The following FAM83B variants were observed in gnomAD, a reference collection of about 807,000 sequenced individuals.
FAM83B encodes the protein scaffolding CK1 anchoring protein B.
Under a neutral mutation model 38.8 loss-of-function variants are expected in FAM83B, and 26 were observed. That is an observed-to-expected ratio of 0.67 (90% CI 0.49 to 0.93). The LOEUF is 0.93. Ranked by LOEUF, FAM83B falls within the 40% of genes least tolerant of loss-of-function variation. FAM83B has a pLI of 0.00. For missense variants in FAM83B, 1,237 were observed against 1,197.3 expected (o/e 1.03, Z -0.49); for synonymous variants, 419 against 423.1 (o/e 0.99, Z 0.12).
intron 2 of FAM83B, 93 bp from the exon 3 acceptor site, chr6:54,926,278 A>T (rs1773283591): frequency 8.3e-6 from 6 of 719,080 alleles, no homozygotes; most frequent in Non-Finnish European, 8.7e-6. Flanking sequence ...TTTAATTTTT[A>T]AAATTTTATC....
chr6:54,876,948 A>G (rs977545865), intron 2 of FAM83B, among the ~76,000 whole-genome samples: 9 of 152,198 alleles, frequency 5.9e-5, no homozygotes, highest in African/African-American at 2.2e-4. Flanking sequence ...ACTTATTGAA[A>G]TGTGTAATAT....
intron 2 of FAM83B, among the ~76,000 whole-genome samples, chr6:54,918,191 C>A (rs886400356): frequency 2.0e-5 from 3 of 152,012 alleles, no homozygotes; most frequent in African/African-American, 7.2e-5. Flanking sequence ...ATTATGAATG[C>A]TTCATAGTTT....
intron 2 of FAM83B, among the ~76,000 whole-genome samples, chr6:54,879,979 G>C (rs1349508523): frequency 6.6e-6 from 1 of 152,146 alleles, no homozygotes; most frequent in Non-Finnish European, 1.5e-5. Context: ...CTTAAGGAAA[G>C]TCCTTTTTTG....
chr6:54,921,583 T>G (rs555414848), intron 2 of FAM83B, among the ~76,000 whole-genome samples: 6 of 151,984 alleles, frequency 3.9e-5, no homozygotes, highest in Non-Finnish European at 8.8e-5. Flanking sequence ...ATGCAAGAAT[T>G]GTGAATTCAT....
In FAM83B at chr6:54,927,527, TA is replaced by T; in HGVS notation, c.633del (p.Gly212AlafsTer22). 1 of 1,606,100 alleles carries T rather than the reference TA, an allele frequency of 6.2e-7. No individual in the cohort carries two copies. Among genetic ancestry groups the T allele is most frequent in the Non-Finnish European group, 8.5e-7 (1 of 1,175,298 alleles). The part of the protein sequence containing the change: ...QRLRNIRVRT[V>X]KGQDYLSKTG... ...TTCTAGAATATTCGAGTGCGAACAG[TA>T]AAAGGCCAAGATTATCTTTCAAAAA... is the stretch of plus-strand genomic sequence containing the variant. On this transcript the variant is annotated frameshift_variant, in exon 4 of 5. Transcript: ENST00000306858. LOFTEE classifies it high-confidence loss of function.
At chr6:54,851,630 G>A (rs1771291644) in intron 1 of FAM83B, among the ~76,000 whole-genome samples, 1 of 145,900 alleles carries the variant, frequency 6.9e-6, no homozygotes, top group Admixed American at 6.9e-5. Context: ...GCGCTACCAT[G>A]CCCGGCTAAT....
intron 1 of FAM83B, among the ~76,000 whole-genome samples, chr6:54,864,470 T>C (rs1168126855): frequency 6.6e-6 from 1 of 152,196 alleles, no homozygotes; most frequent in Non-Finnish European, 1.5e-5. Context: ...CATGTATTTA[T>C]ACTTTCTGTG....
intron 1 of FAM83B, among the ~76,000 whole-genome samples, chr6:54,863,663 C>G (rs1353278531): frequency 6.6e-6 from 1 of 150,760 alleles, no homozygotes; most frequent in African/African-American, 2.4e-5. Flanking sequence ...ATAATGGGCT[C>G]CAAACCCTGC....
intron 2 of FAM83B, among the ~76,000 whole-genome samples, chr6:54,896,448 A>G (rs1245123450): frequency 6.6e-6 from 1 of 152,200 alleles, no homozygotes; most frequent in Admixed American, 6.5e-5. Flanking sequence ...TGTTTTATAC[A>G]TAATTCAAAG....
intron 4 of FAM83B, among the ~76,000 whole-genome samples, chr6:54,936,219 A>G (rs1387029611): frequency 3.3e-5 from 5 of 152,090 alleles, no homozygotes; most frequent in Non-Finnish European, 7.4e-5. Flanking sequence ...CTTTATTACA[A>G]TATTATTTTC....
chr6:54,859,632 A>G (rs1173107211), intron 1 of FAM83B, among the ~76,000 whole-genome samples: 1 of 152,216 alleles, frequency 6.6e-6, no homozygotes, highest in Non-Finnish European at 1.5e-5. Context: ...AGCTCCTTTC[A>G]GTGACTGTTG....
chr6:54,892,657 T>C (rs536967571), intron 2 of FAM83B, among the ~76,000 whole-genome samples: 2 of 150,878 alleles, frequency 1.3e-5, no homozygotes, highest in African/African-American at 4.8e-5. Context: ...CCAAAAATAC[T>C]CTTCTCCATC....
chr6:54,884,013 T>C (rs1411120593), intron 2 of FAM83B, among the ~76,000 whole-genome samples: 1 of 151,804 alleles, frequency 6.6e-6, no homozygotes, highest in Admixed American at 6.6e-5. Context: ...CTACTAAAAA[T>C]GCAAAGAAGA....
chr6:54,906,521 A>G (rs1015744313), intron 2 of FAM83B, among the ~76,000 whole-genome samples: 3 of 152,022 alleles, frequency 2.0e-5, no homozygotes, highest in Non-Finnish European at 2.9e-5. Context: ...AGTAGCTGCT[A>G]TCACAGGCGC....
At chr6:54,926,585 A>G (rs1279703183) in intron 3 of FAM83B, 50 bp downstream of exon 3, 2 of 1,411,354 alleles carry the variant, frequency 1.4e-6, no homozygotes, top group African/African-American at 1.4e-5. Flanking sequence ...GTCATTTTCA[A>G]CTCAGTCAAA....
chr6:54,922,833 A>G (rs539995137), intron 2 of FAM83B, among the ~76,000 whole-genome samples: 3 of 152,194 alleles, frequency 2.0e-5, no homozygotes, highest in South Asian at 4.1e-4. Flanking sequence ...CCATTACATT[A>G]TGCTGTATAT....
chr6:54,865,979 A>C (rs939432384), intron 1 of FAM83B, among the ~76,000 whole-genome samples: 1 of 149,276 alleles, frequency 6.7e-6, no homozygotes, highest in Non-Finnish European at 1.5e-5. Flanking sequence ...TAATAATAAT[A>C]ATAATAATAA....
intron 2 of FAM83B, among the ~76,000 whole-genome samples, chr6:54,908,459 C>A (rs1242041218): frequency 6.6e-6 from 1 of 151,996 alleles, no homozygotes; most frequent in Non-Finnish European, 1.5e-5. Flanking sequence ...ATGCATTTAG[C>A]ATAGATGAAC....
intron 4 of FAM83B, among the ~76,000 whole-genome samples, chr6:54,939,024 A>C (rs1773592708): frequency 6.6e-6 from 1 of 152,026 alleles, no homozygotes; most frequent in Non-Finnish European, 1.5e-5. Context: ...ATCCATCTTG[A>C]GTCGATTTTT....
Sources: allele counts gnomAD v4.1 joint callset (sites outside exome capture counted in the v4.1 genomes callset), GRCh38; gene constraint gnomAD v4.1.1; transcripts MANE v1.5; gene names NCBI Gene and HGNC (gene_info 2026-07-23, HGNC 2026-07-21).